TFB1M: variants seen among roughly 807,000 people sequenced by gnomAD.
The protein encoded by TFB1M is dimethyladenosine transferase 1, mitochondrial.
A neutral mutation model predicts 31.1 loss-of-function variants in TFB1M; 27 were observed. That is an observed-to-expected ratio of 0.87 (90% CI 0.64 to 1.20). The LOEUF (loss-of-function observed/expected upper bound fraction) is 1.20, where lower values mean the gene tolerates loss of function less well. Ranked by LOEUF, TFB1M falls within the 50% of genes most tolerant of loss-of-function variation. The pLI is 0.00. For synonymous variants in TFB1M, 166 were observed against 151.8 expected (o/e 1.09, Z -0.69); for missense variants, 394 against 418.7 (o/e 0.94, Z 0.51).
chr6:155,299,604 C>T (rs1484906762), intron 2 of TFB1M: 2 of 152,188 alleles, frequency 1.3e-5, no homozygotes, highest in Admixed American at 6.5e-5. Context: ...AGTCAGAGCT[C>T]GGAGAACCTT....
intron 2 of TFB1M, among the ~76,000 whole-genome samples, chr6:155,307,195 T>C (rs1374987284): frequency 6.6e-6 from 1 of 151,476 alleles, no homozygotes; most frequent in Non-Finnish European, 1.5e-5. Context: ...CCTCAGTAAT[T>C]TGTACACTTT....
chr6:155,309,016 G>T (rs1562429125), intron 2 of TFB1M, among the ~76,000 whole-genome samples: 1 of 152,056 alleles, frequency 6.6e-6, no homozygotes, highest in Non-Finnish European at 1.5e-5. Context: ...AAGATACTAA[G>T]AATTAATTTT....
At chr6:155,272,065 G>A (rs1000707015) in intron 5 of TFB1M, among the ~76,000 whole-genome samples, 5 of 152,036 alleles carry the variant, frequency 3.3e-5, no homozygotes, top group African/African-American at 1.2e-4. Flanking sequence ...TAACTTATTG[G>A]AGCTTTATAA....
At chr6:155,273,201 T>C (rs1486542646) in intron 5 of TFB1M, among the ~76,000 whole-genome samples, 1 of 152,252 alleles carries the variant, frequency 6.6e-6, no homozygotes, top group Admixed American at 6.5e-5. Context: ...TGTTCTATTT[T>C]GGTCTAAGTT....
chr6:155,244,976 C>G, the TFB1M span: 15 of 636,480 alleles, frequency 2.4e-5, no homozygotes, highest in Non-Finnish European at 2.3e-5. Context: ...TTTTTCCTGG[C>G]GCAGGTGCTT....
chr6:155,275,947 C>T lies in TFB1M; in HGVS notation c.666+9211G>A, dbSNP rs375435637. 43 of 1,614,062 alleles carry T rather than the reference C, an allele frequency of 2.7e-5. No individual in the cohort carries two copies. The Middle Eastern group carries it at 1.3e-3, about 49-fold the overall frequency. On this transcript the variant is annotated intron_variant, in intron 5 of 6. Transcript: ENST00000367166. Reference sequence around the variant, plus strand: ...ACTCCATTCTGTCCCTCCCCATCCACGTGCAGGCTGCGAGAGCCACCATGG... The same window carrying T: ...ACTCCATTCTGTCCCTCCCCATCCATGTGCAGGCTGCGAGAGCCACCATGG...
chr6:155,281,876 T>C (rs1170602900), intron 5 of TFB1M, among the ~76,000 whole-genome samples: 1 of 151,746 alleles, frequency 6.6e-6, no homozygotes, highest in Non-Finnish European at 1.5e-5. Flanking sequence ...TTTCCCAAAC[T>C]TGAGAAATGT....
At chr6:155,258,694 C>T (rs143003133) in intron 6 of TFB1M, among the ~76,000 whole-genome samples, 34 of 152,214 alleles carry the variant, frequency 2.2e-4, no homozygotes, top group African/African-American at 6.0e-4. Flanking sequence ...TGAAATGCTG[C>T]GGAGTTAGGC....
At chr6:155,283,966 T>A (rs1359207514) in intron 5 of TFB1M, among the ~76,000 whole-genome samples, 1 of 152,238 alleles carries the variant, frequency 6.6e-6, no homozygotes, top group Non-Finnish European at 1.5e-5. Flanking sequence ...AATTCTGTCT[T>A]GGATCTAATT....
At chr6:155,280,046 A>G (rs1785420587) in intron 5 of TFB1M, among the ~76,000 whole-genome samples, 1 of 152,214 alleles carries the variant, frequency 6.6e-6, no homozygotes, top group Non-Finnish European at 1.5e-5. Context: ...AACAACTGAT[A>G]AAGATGAAAG....
At position 155,258,003 on chromosome 6, in the gene TFB1M, G is replaced by T; in HGVS notation, c.874C>A (p.Pro292Thr). Residue 292 changes from proline to threonine, a missense_variant, in exon 7 of 7, where the codon CCC (proline) becomes ACC (threonine). By Grantham distance (38) the Pro-to-Thr change is conservative. Coordinates refer to ENST00000367166, the MANE Select transcript of TFB1M (RefSeq NM_016020.4). ...AAGTGTGAGATGGAGAGCTGGCGGG[G>T]CCGAAGAGTAGGGTCTATGTCTGCC... The part of the protein sequence containing the change: ...ELADIDPTLR[P>T]RQLSISHFKS... 6.2e-7 allele frequency: 1 copy of T among 1,614,222 alleles called. No individual in the cohort carries two copies. Among genetic ancestry groups the T allele is most frequent in the Non-Finnish European group, 8.5e-7 (1 of 1,180,028 alleles).
chr6:155,287,066 T>C (rs1776691514), intron 4 of TFB1M, among the ~76,000 whole-genome samples: 1 of 151,920 alleles, frequency 6.6e-6, no homozygotes, highest in Non-Finnish European at 1.5e-5. Context: ...AAAGTAGGAA[T>C]ATGCAAATTA....
At position 155,275,883 on chromosome 6, in the gene TFB1M, C is replaced by T. The variant is rs372413050; in HGVS notation, c.666+9275G>A. The T allele has an allele frequency of 7.6e-5, 122 of 1,614,140 alleles. No homozygotes were observed. In the East Asian group the frequency reaches 1.2e-3, roughly 16 times the overall value. On this transcript the variant is annotated intron_variant, in intron 5 of 6. Transcript: ENST00000367166. ...CTGCACGGGCTCTGGATGGACTGTACGTGGTACAGCACTGGGATGTTCAGC... is the reference window on the plus strand; with the variant it reads ...CTGCACGGGCTCTGGATGGACTGTATGTGGTACAGCACTGGGATGTTCAGC...
intron 4 of TFB1M, among the ~76,000 whole-genome samples, chr6:155,290,406 A>AAG (rs144508535): frequency 0.39 from 42,669 of 110,682 alleles, 7,778 homozygotes; most frequent in East Asian, 0.71. Context: ...AAAAAAAAAA[A>AAG]AAAAGAAAAG....
the TFB1M span, among the ~76,000 whole-genome samples, chr6:155,236,664 A>G: frequency 6.6e-6 from 1 of 152,280 alleles, no homozygotes; most frequent in East Asian, 1.9e-4. Context: ...CTCTGTCTCA[A>G]AAAAATAAAA....
chr6:155,310,055 T>C (rs1211673345), intron 2 of TFB1M, among the ~76,000 whole-genome samples: 2 of 152,154 alleles, frequency 1.3e-5, no homozygotes, highest in Non-Finnish European at 2.9e-5. Flanking sequence ...AAAAATCAGA[T>C]ACATGCACAC....
intron 4 of TFB1M, among the ~76,000 whole-genome samples, chr6:155,294,603 C>T (rs1777080998): frequency 6.6e-6 from 1 of 152,146 alleles, no homozygotes; most frequent in Non-Finnish European, 1.5e-5. Context: ...CAAAAGAAAA[C>T]ACAATGACAT....
chr6:155,300,909 A>C (rs1428390243), intron 2 of TFB1M, among the ~76,000 whole-genome samples: 1 of 152,002 alleles, frequency 6.6e-6, no homozygotes, highest in Non-Finnish European at 1.5e-5. Flanking sequence ...GATTCAGGCA[A>C]TTCTCTTGCC....
chr6:155,241,788 G>C, the TFB1M span, among the ~76,000 whole-genome samples: 1 of 152,170 alleles, frequency 6.6e-6, no homozygotes, highest in Non-Finnish European at 1.5e-5. Flanking sequence ...GAAGTGAACA[G>C]CCAGGCTGTT....
Sources: allele counts gnomAD v4.1 joint callset (sites outside exome capture counted in the v4.1 genomes callset), GRCh38; gene constraint gnomAD v4.1.1; transcripts MANE v1.5; gene names NCBI Gene and HGNC (gene_info 2026-07-23, HGNC 2026-07-21).